The following CNTNAP2 variants were observed in gnomAD, a reference collection of about 807,000 sequenced individuals.
CNTNAP2 encodes contactin-associated protein-like 2.
In CNTNAP2, 98 loss-of-function variants were observed where a neutral mutation model predicts 155.2. The observed-to-expected ratio is 0.63, with a 90% CI of 0.54 to 0.75. The LOEUF is 0.75. Ranked by LOEUF, CNTNAP2 falls within the 30% of genes least tolerant of loss-of-function variation. CNTNAP2 has a pLI of 0.00. For missense variants in CNTNAP2, 1,727 were observed against 1,688.1 expected, an observed-to-expected ratio of 1.02 and a Z score of -0.40; for synonymous variants, 651 against 631.2, an observed-to-expected ratio of 1.03 and a Z score of -0.47.
chr7:146,874,327 T>G (rs2129207851), intron 3 of CNTNAP2, among the ~76,000 whole-genome samples: 1 of 152,228 alleles, frequency 6.6e-6, no homozygotes, highest in Non-Finnish European at 1.5e-5. Context: ...TTCATGTTTA[T>G]TTTTTATTTT....
chr7:147,950,738 CAAG>C (rs1410526939), intron 14 of CNTNAP2, among the ~76,000 whole-genome samples: 1 of 152,162 alleles, frequency 6.6e-6, no homozygotes, highest in Non-Finnish European at 1.5e-5. Context: ...ATAGCAGATA[CAAG>C]AAGAGCACTT....
rs550762826 is a variant in CNTNAP2, at chr7:147,863,252, C to T, written c.2099-40313C>T. ...AGCTTCTCCACGGCCCTGCAAAGAACATGAACTCATCCTTTTTTATGACTG... is the reference window on the plus strand; with the variant it reads ...AGCTTCTCCACGGCCCTGCAAAGAATATGAACTCATCCTTTTTTATGACTG... On this transcript the variant is annotated intron_variant, in intron 13 of 23. Transcript: ENST00000361727. Among the ~76,000 whole-genome samples, 8 of 152,298 alleles carry T rather than the reference C, an allele frequency of 5.3e-5. No individual in the cohort carries two copies. The East Asian group carries it at 1.2e-3, about 22-fold the overall frequency.
chr7:146,459,298 G>T (rs12112484), intron 1 of CNTNAP2, among the ~76,000 whole-genome samples: 3,671 of 152,186 alleles, frequency 0.024, 58 homozygotes, highest in Middle Eastern at 0.051. Flanking sequence ...CCATGCGTGT[G>T]CATTTTAAGA....
Position 148,118,198 on chromosome 7 carries a change from G to T in CNTNAP2, c.2464G>T (p.Asp822Tyr). Residue 822 changes from aspartate (D) to tyrosine (Y), a missense_variant, in exon 16 of 24, where the codon GAC becomes TAC. Physicochemically the swap from Asp to Tyr is radical, Grantham distance 160 (BLOSUM62 -3). Transcript: ENST00000361727. ...FSTFQGETSADISFYFKTLTP... is the reference protein window; with the variant it reads ...FSTFQGETSAYISFYFKTLTP... ...TACTTTCCAAGGGGAAACTAGCGCT[G>T]ACATTTCTTTCTACTTCAAAACATT... 1 of 1,614,158 alleles carries T rather than the reference G, an allele frequency of 6.2e-7. No homozygotes were observed. The highest frequency in any genetic ancestry group is 8.5e-7 in the Non-Finnish European group (1 of 1,180,018).
chr7:146,770,452 G>T (rs931654602), intron 1 of CNTNAP2, among the ~76,000 whole-genome samples: 3 of 151,654 alleles, frequency 2.0e-5, no homozygotes, highest in African/African-American at 2.4e-5. Flanking sequence ...TATAGTAATT[G>T]TTGCATTTTT....
intron 21 of CNTNAP2, among the ~76,000 whole-genome samples, chr7:148,328,067 A>G (rs954245745): frequency 6.6e-5 from 10 of 152,240 alleles, no homozygotes; most frequent in African/African-American, 2.2e-4. Flanking sequence ...AGCTCTGAGG[A>G]AACCTCTAAG....
intron 3 of CNTNAP2, among the ~76,000 whole-genome samples, chr7:146,872,151 TA>T (rs1244966261): frequency 6.8e-6 from 1 of 147,276 alleles, no homozygotes; most frequent in Non-Finnish European, 1.5e-5. Context: ...TTGGGCCAGT[TA>T]AATTATTGAA....
At chr7:146,928,217 C>T (rs1796649623) in intron 3 of CNTNAP2, among the ~76,000 whole-genome samples, 2 of 151,974 alleles carry the variant, frequency 1.3e-5, no homozygotes, top group Non-Finnish European at 2.9e-5. Context: ...GAATAATATT[C>T]AACTGTATTG....
chr7:148,145,680 G>T (rs535863635), intron 16 of CNTNAP2, among the ~76,000 whole-genome samples: 1 of 152,090 alleles, frequency 6.6e-6, no homozygotes, highest in Non-Finnish European at 1.5e-5. Context: ...TGAAACCAAG[G>T]CTACTTTTTC....
chr7:147,413,808 G>T (rs1428640039), intron 10 of CNTNAP2, among the ~76,000 whole-genome samples: 1 of 152,148 alleles, frequency 6.6e-6, no homozygotes, highest in Admixed American at 6.5e-5. Context: ...TGGGCCCCCA[G>T]ATACATGAAA....
At chr7:148,236,214 C>G (rs1156414567) in intron 20 of CNTNAP2, among the ~76,000 whole-genome samples, 1 of 152,158 alleles carries the variant, frequency 6.6e-6, no homozygotes, top group Non-Finnish European at 1.5e-5. Context: ...TCATTTGCCT[C>G]CAGGCGCCCA....
intron 13 of CNTNAP2, among the ~76,000 whole-genome samples, chr7:147,788,606 G>A (rs1797772188): frequency 1.3e-5 from 2 of 152,028 alleles, no homozygotes; most frequent in Non-Finnish European, 2.9e-5. Flanking sequence ...CCTTCTATAT[G>A]CAAATGACAT....
At chr7:146,643,818 G>A (rs1427152689) in intron 1 of CNTNAP2, among the ~76,000 whole-genome samples, 1 of 151,746 alleles carries the variant, frequency 6.6e-6, no homozygotes, top group Non-Finnish European at 1.5e-5. Flanking sequence ...CCATTTGTTT[G>A]TATCCTCTTT....
chr7:147,849,677 G>A (rs2116665074), intron 13 of CNTNAP2, among the ~76,000 whole-genome samples: 1 of 152,282 alleles, frequency 6.6e-6, no homozygotes, highest in South Asian at 2.1e-4. Context: ...TGAATAAGCT[G>A]TTCTCCAGCC....
chr7:147,507,562 T>C (rs1341316086), intron 11 of CNTNAP2, among the ~76,000 whole-genome samples: 4 of 140,876 alleles, frequency 2.8e-5, no homozygotes, highest in African/African-American at 1.1e-4. Context: ...TTTTTTTTTT[T>C]TTTTTTTTTT....
rs548239335 is a variant in CNTNAP2 at position 146,623,121 on chromosome 7, G to T, written c.98-151150G>T. Among the ~76,000 whole-genome samples the T allele has an allele frequency of 3.9e-5, 6 of 152,122 alleles. No homozygotes were observed. The East Asian group carries it at 9.7e-4, about 25-fold the overall frequency. On this transcript the variant is annotated intron_variant, in intron 1 of 23. Coordinates refer to ENST00000361727, the MANE Select transcript of CNTNAP2 (RefSeq NM_014141.6). ...TTGTCAAACAGAGAACAGGATTTAT[G>T]TGCAATGACTCTAGTCTTGCAAACT... is the stretch of plus-strand genomic sequence containing the variant.
chr7:146,332,941 ATTTTT>A (rs4016094), intron 1 of CNTNAP2, among the ~76,000 whole-genome samples: 6,813 of 102,424 alleles, frequency 0.067, 360 homozygotes, highest in African/African-American at 0.2. Context: ...TTCTTCTTCT[ATTTTT>A]TTTTTTTTTT....
intron 3 of CNTNAP2, among the ~76,000 whole-genome samples, chr7:146,874,778 G>A (rs776744594): frequency 6.6e-6 from 1 of 152,098 alleles, no homozygotes; most frequent in Non-Finnish European, 1.5e-5. Context: ...ATGATAACAC[G>A]ACTTCTCATT....
At chr7:146,739,027 C>A (rs1022028836) in intron 1 of CNTNAP2, among the ~76,000 whole-genome samples, 2 of 151,584 alleles carry the variant, frequency 1.3e-5, no homozygotes, top group African/African-American at 4.8e-5. Context: ...TCTCTTTCTG[C>A]CTTTCTTAGG....
Sources: allele counts gnomAD v4.1 joint callset (sites outside exome capture counted in the v4.1 genomes callset), GRCh38; gene constraint gnomAD v4.1.1; transcripts MANE v1.5; gene names NCBI Gene and HGNC (gene_info 2026-07-23, HGNC 2026-07-21).